The following AUTS2 variants were observed in gnomAD, a reference collection of about 807,000 sequenced individuals.
The protein encoded by AUTS2 is autism susceptibility gene 2 protein.
Under a neutral mutation model 112.4 loss-of-function variants are expected in AUTS2, and 17 were observed. That is an observed-to-expected ratio of 0.15 (90% CI 0.10 to 0.23). The LOEUF (loss-of-function observed/expected upper bound fraction) is 0.23, where lower values mean the gene tolerates loss of function less well. Among genes scored for constraint, AUTS2 ranks in the 10% least tolerant of loss-of-function variants. AUTS2 has a pLI of 1.00. For synonymous variants in AUTS2, 751 were observed against 702.7 expected, an observed-to-expected ratio of 1.07 and a Z score of -1.09; for missense variants, 1,510 against 1,701.6, an observed-to-expected ratio of 0.89 and a Z score of 1.98.
intron 5 of AUTS2, among the ~76,000 whole-genome samples, chr7:70,591,905 GAAAC>G (rs1288244753): frequency 1.3e-5 from 2 of 152,184 alleles, no homozygotes; most frequent in Non-Finnish European, 2.9e-5. Context: ...CAGACATGTA[GAAAC>G]AAACCTCTAG....
intron 4 of AUTS2, among the ~76,000 whole-genome samples, chr7:70,145,810 C>G (rs1054661553): frequency 2.0e-5 from 3 of 152,054 alleles, no homozygotes; most frequent in Non-Finnish European, 2.9e-5. Flanking sequence ...CTTTAATTTT[C>G]AAACAAAGGG....
chr7:70,683,256 C>T (rs1808297124), intron 5 of AUTS2, among the ~76,000 whole-genome samples: 1 of 143,664 alleles, frequency 7.0e-6, no homozygotes, highest in Admixed American at 6.8e-5. Context: ...GTGGAAAGGA[C>T]TTTGCAGTTT....
intron 4 of AUTS2, among the ~76,000 whole-genome samples, chr7:70,188,397 T>C (rs1809713778): frequency 6.6e-6 from 1 of 152,088 alleles, no homozygotes. Flanking sequence ...TTAGGGAGAA[T>C]GGCTAAAAGT....
At chr7:69,921,327 GTTTT>G (rs11289784) in intron 2 of AUTS2, among the ~76,000 whole-genome samples, 7 of 90,396 alleles carry the variant, frequency 7.7e-5, no homozygotes, top group African/African-American at 2.9e-4. Context: ...TAGACTTGAA[GTTTT>G]TTTTTTTTTT....
intron 2 of AUTS2, among the ~76,000 whole-genome samples, chr7:69,902,373 G>T (rs1042964610): frequency 2.6e-5 from 4 of 152,124 alleles, no homozygotes; most frequent in African/African-American, 9.7e-5. Context: ...AACTGAATCT[G>T]ACCATCTTAG....
intron 5 of AUTS2, among the ~76,000 whole-genome samples, chr7:70,574,346 T>C (rs1051036641): frequency 6.6e-6 from 1 of 152,238 alleles, no homozygotes; most frequent in Admixed American, 6.5e-5. Context: ...CTGGGCTCCA[T>C]GTGCCAACGA....
chr7:69,862,910 C>G (rs1793055798), intron 1 of AUTS2, among the ~76,000 whole-genome samples: 1 of 152,094 alleles, frequency 6.6e-6, no homozygotes, highest in Non-Finnish European at 1.5e-5. Flanking sequence ...TTGGTGCTGC[C>G]AAGCTGAGCT....
intron 6 of AUTS2, among the ~76,000 whole-genome samples, chr7:70,717,719 T>G (rs1314447378): frequency 6.6e-6 from 1 of 152,232 alleles, no homozygotes; most frequent in Non-Finnish European, 1.5e-5. Flanking sequence ...AGCCTCTTCT[T>G]GTCCGTTGCT....
intron 4 of AUTS2, among the ~76,000 whole-genome samples, chr7:70,298,411 A>G (rs1371500588): frequency 6.6e-6 from 1 of 152,092 alleles, no homozygotes; most frequent in Non-Finnish European, 1.5e-5. Flanking sequence ...ACTTTCCTCA[A>G]GGTCAGTCAG....
intron 5 of AUTS2, among the ~76,000 whole-genome samples, chr7:70,455,080 G>GTTA (rs1293218785): frequency 6.6e-6 from 1 of 152,142 alleles, no homozygotes; most frequent in East Asian, 1.9e-4. Context: ...ATGTGTTGTT[G>GTTA]TTGTTTGTTT....
At chr7:70,548,743 A>G (rs558863061) in intron 5 of AUTS2, among the ~76,000 whole-genome samples, 1 of 152,296 alleles carries the variant, frequency 6.6e-6, no homozygotes, top group East Asian at 1.9e-4. Flanking sequence ...TTTCATTTCT[A>G]TTCCTTTGAT....
chr7:70,307,450 G>A lies in AUTS2; in HGVS notation c.661-128302G>A, dbSNP rs139638968. Among the ~76,000 whole-genome samples, 236 of 152,266 alleles carry A rather than the reference G, an allele frequency of 1.5e-3. 1 individual carries two copies. Among genetic ancestry groups the A allele is most frequent in the Admixed American group, 3.0e-3 (46 of 15,290 alleles). On this transcript the variant is annotated intron_variant, in intron 4 of 18. Coordinates refer to ENST00000342771, the MANE Select transcript of AUTS2 (RefSeq NM_015570.4). ...CCCTCAAACGTGTTCTTGTCCTCAC[G>A]AAGATTTTTGTCTCTACTGAAATGC...
chr7:69,962,845 C>T (rs1171779897), intron 2 of AUTS2, among the ~76,000 whole-genome samples: 4 of 152,006 alleles, frequency 2.6e-5, no homozygotes, highest in African/African-American at 4.8e-5. Context: ...GGGTGGAAGA[C>T]GTACGGTTTT....
In AUTS2 at chr7:70,775,236, C is replaced by A. The variant is rs1051252289; in HGVS notation, c.1903-121C>A. The A allele has an allele frequency of 7.3e-5, 64 of 878,630 alleles. No individual in the cohort carries two copies. In the Admixed American group the frequency reaches 1.4e-3, roughly 19 times the overall value. 54.4% of individuals were successfully genotyped at this position (878,630 alleles called of 1,614,324 possible). On this transcript the variant is annotated intron_variant, in intron 12 of 18. Transcript: ENST00000342771. ...GGTTAATTATTCTCTAAAAGGGCTTCATTTAAAAGTAAAATTCTAACATTT... is the reference window on the plus strand; with the variant it reads ...GGTTAATTATTCTCTAAAAGGGCTTAATTTAAAAGTAAAATTCTAACATTT...
At chr7:70,785,635 A>G (rs553970346) in intron 16 of AUTS2, among the ~76,000 whole-genome samples, 1 of 152,326 alleles carries the variant, frequency 6.6e-6, no homozygotes, top group African/African-American at 2.4e-5. Flanking sequence ...GAATCTGCAG[A>G]GTGCATTCCT....
intron 4 of AUTS2, among the ~76,000 whole-genome samples, chr7:70,315,996 C>T (rs1789977783): frequency 6.6e-6 from 1 of 152,188 alleles, no homozygotes; most frequent in South Asian, 2.1e-4. Flanking sequence ...CTGAAGGTTT[C>T]ATAGCCAATC....
At chr7:69,792,798 A>C (rs1037870315) in intron 1 of AUTS2, among the ~76,000 whole-genome samples, 3 of 152,086 alleles carry the variant, frequency 2.0e-5, no homozygotes, top group African/African-American at 7.2e-5. Flanking sequence ...AGGCTTCATC[A>C]ACATGCCCTA....
chr7:69,880,779 G>T (rs189223461), intron 1 of AUTS2, among the ~76,000 whole-genome samples: 35 of 152,274 alleles, frequency 2.3e-4, no homozygotes, highest in Admixed American at 1.8e-3. Flanking sequence ...AAGTAGAGGA[G>T]AGGGTGGTGA....
intron 1 of AUTS2, among the ~76,000 whole-genome samples, chr7:69,818,011 C>T (rs1251809751): frequency 1.3e-5 from 2 of 152,158 alleles, no homozygotes; most frequent in African/African-American, 2.4e-5. Context: ...AGCTGTTTGC[C>T]TGCATTTAAA....
Sources: gnomAD v4.1 joint callset for allele counts (sites outside exome capture counted in the v4.1 genomes callset) on GRCh38, gnomAD v4.1.1 for gene constraint, MANE v1.5 for transcripts, NCBI Gene and HGNC (gene_info 2026-07-23, HGNC 2026-07-21) for gene names.